Variants in MTMR6 observed in about 807,000 individuals in gnomAD.
MTMR6 encodes the protein myotubularin related protein 6, also known as phosphatidylinositol-3,5-bisphosphate 3-phosphatase MTMR6.
Under a neutral mutation model 80.1 loss-of-function variants are expected in MTMR6, and 47 were observed. The observed-to-expected ratio is 0.59, with a 90% confidence interval of 0.46 to 0.75. The LOEUF (loss-of-function observed/expected upper bound fraction) is 0.75. MTMR6 is among the 30% of genes least tolerant of loss of function. MTMR6 has a pLI of 0.00. For synonymous variants in MTMR6, 254 were observed against 253.0 expected, an observed-to-expected ratio of 1.00 and a Z score of -0.04; for missense variants, 629 against 730.9, an observed-to-expected ratio of 0.86 and a Z score of 1.61.
intron 13 of MTMR6, among the ~76,000 whole-genome samples, chr13:25,249,816 G>A (rs1957048753): frequency 6.6e-6 from 1 of 152,078 alleles, no homozygotes; most frequent in South Asian, 2.1e-4. Flanking sequence ...TATAATAAAA[G>A]AAATGTGTAT....
Position 25,250,590 on chromosome 13 carries a change from T to C in MTMR6, c.1605+1059A>G, listed in dbSNP as rs1037153595. 3.3e-5 allele frequency among the ~76,000 whole-genome samples: 5 copies of C among 152,288 alleles called. No homozygotes were observed. In the East Asian group the frequency reaches 9.6e-4, roughly 29 times the overall value. On this transcript the variant is annotated intron_variant, in intron 13 of 13. Transcript: ENST00000381801. ...AGTCATTTAACTTCATTTGTAATCA[T>C]GGAAATCCAAAACTGAAAACAATTT...
chr13:25,267,083 T>A (rs4770815), intron 3 of MTMR6, among the ~76,000 whole-genome samples: 138,981 of 151,994 alleles, frequency 0.91, 64,853 homozygotes, highest in East Asian at 1. Context: ...CCCCGTCTCT[T>A]CTAAAAATAC....
Position 25,257,221 on chromosome 13 carries a change from T to C in MTMR6, c.1070A>G (p.Tyr357Cys). The part of the protein sequence containing the change: ...CSLGSLLLDS[Y>C]YRTIKGFMVL... ...CATGAATCCTTTGATTGTCCTGTAG[T>C]AGGAATCCAATAAAAGAGAACCCAG... Residue 357 changes from tyrosine (Y) to cysteine (C), a missense_variant, in exon 9 of 14, where the codon TAC becomes TGC. Coordinates refer to ENST00000381801, the MANE Select transcript of MTMR6 (RefSeq NM_004685.5). The C allele has an allele frequency of 3.1e-6, 5 of 1,613,804 alleles. No individual in the cohort carries two copies. Among genetic ancestry groups the C allele is most frequent in the East Asian group, 2.2e-5 (1 of 44,856 alleles).
Position 25,261,753 on chromosome 13 carries a change from C to G in MTMR6, c.641G>C (p.Cys214Ser). 1 of 1,613,714 alleles carries G rather than the reference C, an allele frequency of 6.2e-7. No individual in the cohort carries two copies. The highest frequency in any genetic ancestry group is 8.5e-7 in the Non-Finnish European group (1 of 1,179,730). ...TTGAAGCAAATGTTCATCCTCCAGG[C>G]ACCTGGCACTGAATCCAGAGAGTGG... Reference protein sequence around the residue: ...SQPLSGFSARCLEDEHLLQAI... With the variant: ...SQPLSGFSARSLEDEHLLQAI... The change falls in exon 6 of 14, where the codon TGC becomes TCC. Residue 214 changes from cysteine to serine, a missense_variant. Coordinates refer to ENST00000381801, the MANE Select transcript of MTMR6 (RefSeq NM_004685.5).
In MTMR6 at chr13:25,251,966, A is replaced by G. The variant is rs140082792; in HGVS notation, c.1365T>C (p.Tyr455=). 1.4e-4 allele frequency: 221 copies of G among 1,611,812 alleles called. 1 individual carries two copies. The African/African-American group carries it at 2.2e-3, about 16-fold the overall frequency. The change falls in exon 12 of 14, where the codon TAT becomes TAC. Residue 455 remains tyrosine (Y), a synonymous_variant. Transcript: ENST00000381801. This position sits in a 1 kb window ranked among gnomAD's most constrained non-coding sequence, Gnocchi z 4.1. ...CTTCCAAAAGAAATGGCCACAGGGA[A>G]TAAGTCTTCTCCTTCAACCTTAATA... is the stretch of plus-strand genomic sequence containing the variant. The part of the protein sequence containing the change: ...REELKLKEKT[Y]SLWPFLLEDQ...
intron 2 of MTMR6, among the ~76,000 whole-genome samples, chr13:25,273,353 C>T (rs893685395): frequency 1.1e-4 from 16 of 151,944 alleles, no homozygotes; most frequent in African/African-American, 3.9e-4. Flanking sequence ...CATATAAATA[C>T]ACAAAATGTT....
intron 2 of MTMR6, among the ~76,000 whole-genome samples, chr13:25,271,863 C>G (rs1295386126): frequency 1.3e-5 from 2 of 151,990 alleles, no homozygotes; most frequent in Non-Finnish European, 2.9e-5. Flanking sequence ...AAAGGAAGAA[C>G]AAAGAATCCA....
intron 9 of MTMR6, among the ~76,000 whole-genome samples, chr13:25,255,181 G>A (rs1052901241): frequency 2.0e-5 from 3 of 152,136 alleles, no homozygotes; most frequent in Non-Finnish European, 4.4e-5. Flanking sequence ...CTCTGATTTT[G>A]TCTCAAGCCT....
At chr13:25,285,411 C>A (rs192395335) in intron 1 of MTMR6, among the ~76,000 whole-genome samples, 1 of 117,758 alleles carries the variant, frequency 8.5e-6, no homozygotes, top group African/African-American at 3.2e-5. Flanking sequence ...CCAATTATGT[C>A]ACCCAGGCTG....
At chr13:25,271,110 T>C (rs1231905598) in intron 2 of MTMR6, among the ~76,000 whole-genome samples, 3 of 152,088 alleles carry the variant, frequency 2.0e-5, no homozygotes, top group Non-Finnish European at 4.4e-5. Flanking sequence ...CCTCCCCCCC[T>C]TCCTTACTTG....
intron 1 of MTMR6, among the ~76,000 whole-genome samples, chr13:25,276,132 A>G (rs1005275867): frequency 6.6e-6 from 1 of 152,122 alleles, no homozygotes; most frequent in African/African-American, 2.4e-5. Context: ...TGGAAAGGGC[A>G]CTGTGGCCAA....
intron 1 of MTMR6, among the ~76,000 whole-genome samples, chr13:25,281,242 C>T (rs112141318): frequency 3.0e-4 from 46 of 152,102 alleles, no homozygotes; most frequent in Middle Eastern, 6.8e-3. Context: ...GAGGTAAAGG[C>T]AGGAGGATCG....
Position 25,266,270 on chromosome 13 carries a change from G to A in MTMR6, c.321C>T (p.Leu107=), listed in dbSNP as rs1957452308. The change falls in exon 4 of 14, where the codon CTC becomes CTT. Residue 107 remains leucine (L), a synonymous_variant. Transcript: ENST00000381801. ...GTTTGGGATTATAAGAAAATGCATA[G>A]AGATCTTCATATTTTGCTACAGAAT... The part of the protein sequence containing the change: ...QLSKQAKYED[L]YAFSYNPKQN... 6.2e-7 allele frequency: 1 copy of A among 1,611,610 alleles called. No homozygotes were observed.
chr13:25,275,294 C>T (rs543868983), intron 1 of MTMR6, among the ~76,000 whole-genome samples: 96 of 152,018 alleles, frequency 6.3e-4, no homozygotes, highest in African/African-American at 1.8e-3. Context: ...TGGTGGCACA[C>T]GTCTGTAATC....
intron 3 of MTMR6, 109 bp downstream of exon 3, chr13:25,267,666 CCTGA>C (rs1384076777): frequency 2.8e-6 from 3 of 1,079,152 alleles, no homozygotes; most frequent in Admixed American, 5.2e-5. Flanking sequence ...TACAAAAGAA[CCTGA>C]CTGTCAGAGC....
chr13:25,256,331 C>T (rs745309254), intron 9 of MTMR6, among the ~76,000 whole-genome samples: 23 of 152,280 alleles, frequency 1.5e-4, no homozygotes, highest in Middle Eastern at 3.4e-3. Context: ...TATTCCTTAT[C>T]GTACACTCTC....
At chr13:25,273,525 A>ATTTT (rs61701580) in intron 2 of MTMR6, among the ~76,000 whole-genome samples, 2 of 137,618 alleles carry the variant, frequency 1.5e-5, no homozygotes, top group Non-Finnish European at 3.1e-5. Flanking sequence ...GAACAATAGG[A>ATTTT]TTTTTTTTTT....
intron 2 of MTMR6, among the ~76,000 whole-genome samples, chr13:25,271,107 C>T (rs917069222): frequency 6.6e-6 from 1 of 152,088 alleles, no homozygotes; most frequent in Non-Finnish European, 1.5e-5. Context: ...ATTCCTCCCC[C>T]CCTTCCTTAC....
intron 6 of MTMR6, chr13:25,260,489 G>T (rs868220817): frequency 1.9e-6 from 1 of 536,782 alleles, no homozygotes; most frequent in Non-Finnish European, 2.8e-6. Flanking sequence ...TTGTGAAATT[G>T]CATAATGATG....
Sources: allele counts gnomAD v4.1 joint callset (sites outside exome capture counted in the v4.1 genomes callset), GRCh38; gene constraint gnomAD v4.1.1; non-coding constraint Gnocchi (gnomAD v3.1); transcripts MANE v1.5; gene names NCBI Gene and HGNC (gene_info 2026-07-23, HGNC 2026-07-21).